CLCN4: variants seen among roughly 807,000 people sequenced by gnomAD.
The protein encoded by CLCN4 is Cl-/H+ antiporter 4.
A neutral mutation model predicts 41.7 loss-of-function variants in CLCN4; 1 was observed. That is an observed-to-expected ratio of 0.02 (90% CI 0.01 to 0.11). The LOEUF is 0.11. CLCN4 is among the 10% of genes least tolerant of loss of function. The pLI, the probability that CLCN4 is intolerant of heterozygous loss-of-function variation, is 1.00. For synonymous variants in CLCN4, 277 were observed against 285.8 expected (o/e 0.97, Z 0.31); for missense variants, 287 against 661.0 (o/e 0.43, Z 6.20).
chrX:10,221,483 C>G (rs907999382), intron 12 of CLCN4, among the ~76,000 whole-genome samples: 2 of 110,805 alleles, frequency 1.8e-5, no homozygotes, highest in African/African-American at 6.6e-5. Flanking sequence ...TCGCAAGACC[C>G]TATCTCTACA....
intron 2 of CLCN4, among the ~76,000 whole-genome samples, chrX:10,181,755 C>G (rs1923691156): frequency 1.8e-5 from 2 of 112,037 alleles, no homozygotes; most frequent in Non-Finnish European, 3.8e-5. Flanking sequence ...CATAAAAAGT[C>G]CAGGTTTCCT....
At chrX:10,182,898 C>A (rs764262799) in intron 2 of CLCN4, among the ~76,000 whole-genome samples, 17 of 112,225 alleles carry the variant, frequency 1.5e-4, no homozygotes, top group Non-Finnish European at 3.0e-4. Context: ...TTTTTTGTTT[C>A]AAGCATTATT....
intron 9 of CLCN4, 75 bp from the exon 10 acceptor site, chrX:10,212,392 A>C: frequency 4.1e-6 from 4 of 978,713 alleles, no homozygotes; most frequent in African/African-American, 1.9e-5. Context: ...TCGAGGGGGA[A>C]TGTGTTTCTT....
chrX:10,177,796 CAT>C (rs1007408262), intron 2 of CLCN4, among the ~76,000 whole-genome samples: 1 of 112,330 alleles, frequency 8.9e-6, no homozygotes, highest in African/African-American at 3.2e-5. Context: ...GAAATGAAAA[CAT>C]ATGTCCATGC....
At chrX:10,198,842 C>G (rs61099727) in intron 6 of CLCN4, among the ~76,000 whole-genome samples, 2,906 of 111,973 alleles carry the variant, frequency 0.026, 106 homozygotes, top group African/African-American at 0.089. Context: ...TCACTGTAAT[C>G]CATGCAGTTC....
chrX:10,213,553 C>A, intron 10 of CLCN4, 128 bp from the exon 11 acceptor site: 1 of 618,166 alleles, frequency 1.6e-6, no homozygotes, highest in Non-Finnish European at 2.5e-6. Flanking sequence ...GTGTAGGAAG[C>A]ATGTAGGAGA....
chrX:10,161,124 G>GCTCTCTCTCTCT (rs34687262), intron 2 of CLCN4, among the ~76,000 whole-genome samples: 1,121 of 86,345 alleles, frequency 0.013, 35 homozygotes, highest in East Asian at 0.028. Context: ...CCATCAGCTT[G>GCTCTCTCTCTCT]CTCTCTCTCT....
chrX:10,212,979 T>C (rs1924605555), intron 10 of CLCN4, among the ~76,000 whole-genome samples: 1 of 112,026 alleles, frequency 8.9e-6, no homozygotes, highest in Non-Finnish European at 1.9e-5. Context: ...TAGCTTAGCT[T>C]AGCCTACCTT....
chrX:10,217,515 G>C (rs1924757347), intron 11 of CLCN4, among the ~76,000 whole-genome samples: 1 of 111,636 alleles, frequency 9.0e-6, no homozygotes, highest in Non-Finnish European at 1.9e-5. Context: ...TGAGGGTGGA[G>C]GCAGAATTGC....
intron 2 of CLCN4, among the ~76,000 whole-genome samples, chrX:10,172,405 T>G (rs1186018043): frequency 8.9e-6 from 1 of 111,870 alleles, no homozygotes; most frequent in African/African-American, 3.3e-5. Flanking sequence ...AGCTAGAGCT[T>G]ACTGGAAGGT....
chrX:10,204,220 A>G (rs1034661264), intron 6 of CLCN4, among the ~76,000 whole-genome samples: 1 of 112,013 alleles, frequency 8.9e-6, no homozygotes. Flanking sequence ...GACTCAAGTG[A>G]ACGTTTAGGA....
intron 6 of CLCN4, among the ~76,000 whole-genome samples, chrX:10,202,808 ACT>A (rs945137791): frequency 1.8e-5 from 2 of 110,381 alleles, no homozygotes; most frequent in Non-Finnish European, 1.9e-5. Context: ...CTCAGAACTT[ACT>A]CTGTGTTGAT....
chrX:10,178,419 A>G (rs1431361543), intron 2 of CLCN4, among the ~76,000 whole-genome samples: 2 of 111,692 alleles, frequency 1.8e-5, no homozygotes, highest in Non-Finnish European at 3.8e-5. Context: ...CCAAATGCAG[A>G]TATCTTGAAA....
At chrX:10,228,100 C>T (rs1925034698) in intron 12 of CLCN4, among the ~76,000 whole-genome samples, 1 of 110,847 alleles carries the variant, frequency 9.0e-6, no homozygotes, top group Non-Finnish European at 1.9e-5. Context: ...CATTCCAATT[C>T]TTTTAGTTAT....
intron 6 of CLCN4, among the ~76,000 whole-genome samples, chrX:10,201,908 G>A (rs1924246155): frequency 9.0e-6 from 1 of 111,689 alleles, no homozygotes; most frequent in African/African-American, 3.3e-5. Context: ...AGGAGTTCGA[G>A]GCTGCAGTAA....
Position 10,234,433 on chromosome X carries a change from T to A in CLCN4, c.*849T>A, listed in dbSNP as rs1925201015. ...TTATTGCTTTTGCCCATGCATTCAA[T>A]ATTGATCAGCTCAGCACTTCCATGG... On this transcript the variant is annotated 3_prime_UTR_variant, in exon 13 of 13. Transcript: ENST00000380833. 2.6e-5 allele frequency: 3 copies of A among 113,321 alleles called. No homozygotes were observed. The highest frequency in any genetic ancestry group is 9.6e-5 in the African/African-American group (3 of 31,126). 9.3% of individuals were successfully genotyped at this position (113,321 alleles called of 1,213,427 possible).
chrX:10,224,938 C>A (rs1018778368), intron 12 of CLCN4, among the ~76,000 whole-genome samples: 1 of 112,303 alleles, frequency 8.9e-6, no homozygotes, highest in Admixed American at 9.4e-5. Flanking sequence ...CTTTTTATGG[C>A]TGCATCGTAT....
chrX:10,211,904 G>A (rs1440881912), intron 9 of CLCN4, among the ~76,000 whole-genome samples: 1 of 111,845 alleles, frequency 8.9e-6, no homozygotes, highest in Non-Finnish European at 1.9e-5. Flanking sequence ...TTAGGAAGAG[G>A]GAATTGCCTC....
chrX:10,193,278 A>G (rs1602149160), intron 4 of CLCN4, among the ~76,000 whole-genome samples: 3 of 112,357 alleles, frequency 2.7e-5, no homozygotes, highest in Admixed American at 1.9e-4. Context: ...CGGCTGGGCT[A>G]TGTAGTGATT....
Sources: allele counts gnomAD v4.1 joint callset (sites outside exome capture counted in the v4.1 genomes callset), GRCh38; gene constraint gnomAD v4.1.1; transcripts MANE v1.5; gene names NCBI Gene and HGNC (gene_info 2026-07-23, HGNC 2026-07-21).